GLS: variants seen among roughly 807,000 people sequenced by gnomAD.
The protein encoded by GLS is glutaminase kidney isoform, mitochondrial.
GLS carries 36 observed loss-of-function variants against 86.7 expected under a neutral mutation model. The ratio of observed to expected loss-of-function variants is 0.42; its 90% CI spans 0.32 to 0.55. The LOEUF is 0.55. Among genes scored for constraint, GLS ranks in the 20% least tolerant of loss-of-function variants. GLS has a pLI of 0.17. For synonymous variants in GLS, 317 were observed against 305.9 expected (o/e 1.04, Z -0.38); for missense variants, 528 against 833.4 (o/e 0.63, Z 4.51).
At chr2:190,909,424 G>A (rs1689277706) in intron 6 of GLS, among the ~76,000 whole-genome samples, 1 of 152,050 alleles carries the variant, frequency 6.6e-6, no homozygotes, top group African/African-American at 2.4e-5. Flanking sequence ...TTCCCCCTGT[G>A]TAACTGAAAT....
intron 14 of GLS, among the ~76,000 whole-genome samples, chr2:190,950,121 C>T (rs150434131): frequency 2.6e-3 from 391 of 151,820 alleles, no homozygotes; most frequent in Middle Eastern, 0.01. Flanking sequence ...GGAGAGGGAG[C>T]CTCCTGACAG....
At chr2:190,957,122 G>C (rs998977146) in intron 17 of GLS, among the ~76,000 whole-genome samples, 1 of 152,028 alleles carries the variant, frequency 6.6e-6, no homozygotes, top group Non-Finnish European at 1.5e-5. Context: ...CAAGAGTCTC[G>C]CTCTGTCAGC....
intron 14 of GLS, chr2:190,933,192 A>G (rs1690165055): frequency 1.2e-6 from 1 of 854,154 alleles, no homozygotes; most frequent in Non-Finnish European, 1.4e-6. Flanking sequence ...AGAAAATTGT[A>G]ATTCTTAGTT....
chr2:190,946,520 A>G (rs1455494481), intron 14 of GLS, among the ~76,000 whole-genome samples: 2 of 151,690 alleles, frequency 1.3e-5, no homozygotes, highest in Non-Finnish European at 1.5e-5. Context: ...TTTTTTCATT[A>G]TAGCAGTTCC....
At chr2:190,940,510 T>A (rs934045623) in intron 14 of GLS, among the ~76,000 whole-genome samples, 2 of 152,084 alleles carry the variant, frequency 1.3e-5, no homozygotes, top group African/African-American at 4.8e-5. Flanking sequence ...AATGCCCTTA[T>A]TCTGGCAAAT....
intron 14 of GLS, among the ~76,000 whole-genome samples, chr2:190,936,608 C>G (rs1690277914): frequency 6.6e-6 from 1 of 151,020 alleles, no homozygotes; most frequent in Non-Finnish European, 1.5e-5. Context: ...TTCCCATTCA[C>G]TACCAGGACT....
At chr2:190,900,265 G>A (rs1463411629) in intron 3 of GLS, among the ~76,000 whole-genome samples, 2 of 152,112 alleles carry the variant, frequency 1.3e-5, no homozygotes, top group Non-Finnish European at 2.9e-5. Context: ...CTCTGATTGA[G>A]TAAGAAGCTT....
At chr2:190,933,508 G>T (rs1179051227) in intron 14 of GLS, 4 of 916,358 alleles carry the variant, frequency 4.4e-6, no homozygotes, top group Non-Finnish European at 5.2e-6. Flanking sequence ...CAACTCCTCT[G>T]TTCTGTCAGA....
At chr2:190,882,521 T>C (rs1441199296) in intron 1 of GLS, among the ~76,000 whole-genome samples, 1 of 152,246 alleles carries the variant, frequency 6.6e-6, no homozygotes, top group Non-Finnish European at 1.5e-5. Context: ...CCTGTTTTGC[T>C]TCCCTTTTAT....
intron 17 of GLS, among the ~76,000 whole-genome samples, chr2:190,960,979 C>A (rs1690986801): frequency 6.6e-6 from 1 of 152,142 alleles, no homozygotes; most frequent in Non-Finnish European, 1.5e-5. Flanking sequence ...TGTTTATAAT[C>A]CCAACTAAAA....
In GLS at chr2:190,953,983, T is replaced by A. The variant is rs1182928121; in HGVS notation, c.1712+357T>A. On this transcript the variant is annotated intron_variant, in intron 15 of 17. Coordinates refer to ENST00000320717, the MANE Select transcript of GLS (RefSeq NM_014905.5). The surrounding 1 kb of genome is among the most constrained non-coding windows in gnomAD (Gnocchi z 4.0). ...GTGTGTGTGTGTGTGTGTGTGTGTG[T>A]GTGTGTGTGTGTGAAGCAGCTGGGG... 6.6e-6 allele frequency among the ~76,000 whole-genome samples: 1 copy of A among 150,996 alleles called. No individual in the cohort carries two copies. The highest frequency in any genetic ancestry group is 1.5e-5 in the Non-Finnish European group (1 of 67,888).
In GLS at chr2:190,954,812, A is replaced by G. The variant is rs758861387; in HGVS notation, c.1847A>G (p.Lys616Arg). 6.2e-7 allele frequency: 1 copy of G among 1,606,602 alleles called. No homozygotes were observed. ...GCCTGCAAAGTAAACCCTTTCCCCA[A>G]GGACAGGTGAGCACTTATGTTACCT... ...LEACKVNPFP[K>R]DRWNNTPMDE... The change falls in exon 17 of 18, where the codon AAG becomes AGG. Residue 616 changes from lysine (K) to arginine (R), a missense_variant. Physicochemically the swap from Lys to Arg is conservative, Grantham distance 26. Transcript: ENST00000320717. The surrounding 1 kb of genome is among the most constrained non-coding windows in gnomAD (Gnocchi z 4.0).
chr2:190,913,550 AG>A lies in GLS; in HGVS notation c.1038+3230del, dbSNP rs1393102039. ...TGTGTGATTGCTTGATTAAAAGGAAAGAACAAAAATAAATTTGAAAGGAACA... is the reference window on the plus strand; with the variant it reads ...TGTGTGATTGCTTGATTAAAAGGAAAAACAAAAATAAATTTGAAAGGAACA... On this transcript the variant is annotated intron_variant, in intron 7 of 17. Coordinates refer to ENST00000320717, the MANE Select transcript of GLS (RefSeq NM_014905.5). The surrounding 1 kb of genome is among the most constrained non-coding windows in gnomAD (Gnocchi z 6.1). 1 of 964,732 alleles carries A rather than the reference AG, an allele frequency of 1.0e-6. No homozygotes were observed. Among genetic ancestry groups the A allele is most frequent in the Non-Finnish European group, 1.2e-6 (1 of 811,176 alleles). 59.8% of individuals were successfully genotyped at this position (964,732 alleles called of 1,614,324 possible). A position where few individuals can be genotyped will look rare whatever the true frequency, so the allele number is the denominator to read the frequency against.
intron 9 of GLS, among the ~76,000 whole-genome samples, chr2:190,923,081 A>C (rs1689796833): frequency 6.6e-6 from 1 of 152,140 alleles, no homozygotes; most frequent in Non-Finnish European, 1.5e-5. Context: ...TTCCTATCAC[A>C]GCTGCCTAAA....
chr2:190,937,707 A>T (rs1690311996), intron 14 of GLS, among the ~76,000 whole-genome samples: 1 of 151,238 alleles, frequency 6.6e-6, no homozygotes, highest in Admixed American at 6.6e-5. Flanking sequence ...AGATTTTTTA[A>T]ATATGCCATG....
At chr2:190,923,311 T>A (rs191289815) in intron 9 of GLS, among the ~76,000 whole-genome samples, 3 of 152,326 alleles carry the variant, frequency 2.0e-5, no homozygotes. Flanking sequence ...TCTCCTTTGT[T>A]TGTTTGATGT....
intron 1 of GLS, among the ~76,000 whole-genome samples, chr2:190,893,182 C>G (rs1559316898): frequency 6.6e-6 from 1 of 152,112 alleles, no homozygotes; most frequent in Admixed American, 6.6e-5. Flanking sequence ...TATTGTTAAG[C>G]TGTGTTTAAT....
rs1691043938 is a variant in GLS at position 190,963,196 on chromosome 2, T to C, written c.*210T>C. The C allele has an allele frequency of 2.3e-6, 1 of 426,672 alleles. No individual in the cohort carries two copies. The highest frequency in any genetic ancestry group is 4.2e-6 in the Non-Finnish European group (1 of 238,846). The allele number at this position is 426,672 out of a possible 1,614,324, so 26.4% of individuals were successfully genotyped here. A position where few individuals can be genotyped will look rare whatever the true frequency, so the allele number is the denominator to read the frequency against. Reference sequence around the variant, plus strand: ...CAATCTCCCTCCATAATGTGAGCAATATTACCTCGTGCATTGTATAATTTG... The same window carrying C: ...CAATCTCCCTCCATAATGTGAGCAACATTACCTCGTGCATTGTATAATTTG... On this transcript the variant is annotated 3_prime_UTR_variant, in exon 18 of 18. Transcript: ENST00000320717.
intron 12 of GLS, among the ~76,000 whole-genome samples, chr2:190,928,323 G>A (rs1385861636): frequency 6.7e-6 from 1 of 150,276 alleles, no homozygotes; most frequent in African/African-American, 2.4e-5. Context: ...GGATTATCTT[G>A]TAAATTATTA....
Sources: gnomAD v4.1 joint callset for allele counts (sites outside exome capture counted in the v4.1 genomes callset) on GRCh38, gnomAD v4.1.1 for gene constraint, Gnocchi (gnomAD v3.1) non-coding constraint, MANE v1.5 for transcripts, NCBI Gene and HGNC (gene_info 2026-07-23, HGNC 2026-07-21) for gene names.